ARHGAP15: variants seen among roughly 807,000 people sequenced by gnomAD.
ARHGAP15 encodes the protein Rho GTPase activating protein 15, also known as rho GTPase-activating protein 15.
A neutral mutation model predicts 63.7 loss-of-function variants in ARHGAP15; 51 were observed. The ratio of observed to expected loss-of-function variants is 0.80; its 90% confidence interval spans 0.64 to 1.01. The LOEUF (loss-of-function observed/expected upper bound fraction) is 1.01. Ranked by LOEUF, ARHGAP15 falls within the 50% of genes least tolerant of loss-of-function variation. The probability of loss-of-function intolerance (pLI) is 0.00; values close to 1 mark genes in which losing one functional copy is unlikely to be tolerated. For synonymous variants in ARHGAP15, 191 were observed against 193.8 expected, an observed-to-expected ratio of 0.99 and a Z score of 0.12; for missense variants, 560 against 564.6, an observed-to-expected ratio of 0.99 and a Z score of 0.08.
intron 8 of ARHGAP15, among the ~76,000 whole-genome samples, chr2:143,456,508 A>C (rs1690660520): frequency 6.6e-6 from 1 of 152,082 alleles, no homozygotes; most frequent in African/African-American, 2.4e-5. Context: ...CAAAAAGAAA[A>C]AAATTGTAAT....
At chr2:143,491,956 A>G (rs1453828988) in intron 9 of ARHGAP15, among the ~76,000 whole-genome samples, 1 of 152,212 alleles carries the variant, frequency 6.6e-6, no homozygotes, top group East Asian at 1.9e-4. Flanking sequence ...ATCTCAGCTC[A>G]CTGCAACTCC....
At chr2:143,311,449 G>A (rs948015571) in intron 6 of ARHGAP15, among the ~76,000 whole-genome samples, 7 of 151,944 alleles carry the variant, frequency 4.6e-5, no homozygotes, top group Non-Finnish European at 8.8e-5. Flanking sequence ...TAATCTCTTG[G>A]ATGTGACATA....
chr2:143,629,973 T>A (rs1698998771), intron 12 of ARHGAP15, among the ~76,000 whole-genome samples: 2 of 152,158 alleles, frequency 1.3e-5, no homozygotes, highest in Admixed American at 1.3e-4. Context: ...ATACTTTGTA[T>A]CATTGTATAT....
At chr2:143,693,954 A>G (rs1315872187) in intron 12 of ARHGAP15, among the ~76,000 whole-genome samples, 1 of 152,218 alleles carries the variant, frequency 6.6e-6, no homozygotes, top group African/African-American at 2.4e-5. Flanking sequence ...TATTCTATTG[A>G]CAAGGTCAAG....
At chr2:143,303,050 AT>A (rs1311100276) in intron 6 of ARHGAP15, among the ~76,000 whole-genome samples, 1 of 152,120 alleles carries the variant, frequency 6.6e-6, no homozygotes, top group African/African-American at 2.4e-5. Flanking sequence ...ACCTAAACCC[AT>A]AAAAACCCTA....
intron 10 of ARHGAP15, among the ~76,000 whole-genome samples, chr2:143,520,828 A>G (rs1440646915): frequency 6.6e-6 from 1 of 152,176 alleles, no homozygotes; most frequent in Non-Finnish European, 1.5e-5. Context: ...AAACCCAAAT[A>G]GGGCGTTGGG....
chr2:143,571,425 G>T (rs1696449391), intron 11 of ARHGAP15, among the ~76,000 whole-genome samples: 1 of 152,134 alleles, frequency 6.6e-6, no homozygotes, highest in Non-Finnish European at 1.5e-5. Flanking sequence ...CTTTATAGAT[G>T]AACTAAAGTC....
intron 6 of ARHGAP15, among the ~76,000 whole-genome samples, chr2:143,267,121 G>A (rs1429869250): frequency 6.6e-6 from 1 of 152,150 alleles, no homozygotes; most frequent in Non-Finnish European, 1.5e-5. Context: ...TATGTACAGT[G>A]ACGACAGGAA....
intron 8 of ARHGAP15, among the ~76,000 whole-genome samples, chr2:143,478,613 T>C (rs1262352841): frequency 2.0e-5 from 3 of 152,160 alleles, no homozygotes; most frequent in Non-Finnish European, 4.4e-5. Context: ...TGGATAATAA[T>C]GGAACCTACC....
chr2:143,472,614 G>T (rs1054828363), intron 8 of ARHGAP15, among the ~76,000 whole-genome samples: 3 of 151,842 alleles, frequency 2.0e-5, no homozygotes, highest in African/African-American at 7.3e-5. Flanking sequence ...AGGTTTAATT[G>T]TTAGCTCCCA....
At chr2:143,269,635 A>T (rs1248801810) in intron 6 of ARHGAP15, among the ~76,000 whole-genome samples, 1 of 152,220 alleles carries the variant, frequency 6.6e-6, no homozygotes, top group African/African-American at 2.4e-5. Context: ...ACACCTTCCA[A>T]TTGGAAAAAG....
At chr2:143,240,069 A>G (rs1482387025) in intron 5 of ARHGAP15, among the ~76,000 whole-genome samples, 7 of 148,790 alleles carry the variant, frequency 4.7e-5, no homozygotes. Flanking sequence ...CCAGCTACGT[A>G]GGAGGTCGAA....
At chr2:143,130,003 T>A (rs1688857706) in intron 1 of ARHGAP15, among the ~76,000 whole-genome samples, 2 of 152,160 alleles carry the variant, frequency 1.3e-5, no homozygotes, top group African/African-American at 4.8e-5. Flanking sequence ...AAAGGAATAC[T>A]GTCTATCATG....
intron 6 of ARHGAP15, among the ~76,000 whole-genome samples, chr2:143,429,471 T>C (rs1352510614): frequency 6.6e-6 from 1 of 152,136 alleles, no homozygotes; most frequent in Non-Finnish European, 1.5e-5. Context: ...TGGAATGTAC[T>C]GGAGGTCTGT....
At chr2:143,515,307 C>T (rs905720079) in intron 9 of ARHGAP15, among the ~76,000 whole-genome samples, 5 of 150,832 alleles carry the variant, frequency 3.3e-5, no homozygotes, top group African/African-American at 1.2e-4. Flanking sequence ...ATGTCATATG[C>T]TTTTGGCTGC....
chr2:143,611,367 G>A (rs957646374), intron 11 of ARHGAP15, among the ~76,000 whole-genome samples: 2 of 152,120 alleles, frequency 1.3e-5, no homozygotes, highest in Admixed American at 1.3e-4. Flanking sequence ...ATCAGGGTTG[G>A]AATGTTAGCC....
chr2:143,755,016 G>T (rs909950105), intron 13 of ARHGAP15, among the ~76,000 whole-genome samples: 1 of 152,102 alleles, frequency 6.6e-6, no homozygotes, highest in African/African-American at 2.4e-5. Context: ...TACAAGGAAG[G>T]GTAGAGAAGA....
intron 11 of ARHGAP15, among the ~76,000 whole-genome samples, chr2:143,609,363 G>T (rs1427541906): frequency 6.6e-6 from 1 of 152,186 alleles, no homozygotes; most frequent in Middle Eastern, 3.2e-3. Flanking sequence ...GGCATGTTAA[G>T]AATGGAGTAG....
At chr2:143,310,551 A>T (rs1456422560) in intron 6 of ARHGAP15, among the ~76,000 whole-genome samples, 1 of 151,552 alleles carries the variant, frequency 6.6e-6, no homozygotes, top group African/African-American at 2.4e-5. Flanking sequence ...TTTATAAAAT[A>T]AATTGTTTTA....
Sources: gnomAD v4.1 joint callset for allele counts (sites outside exome capture counted in the v4.1 genomes callset) on GRCh38, gnomAD v4.1.1 for gene constraint, MANE v1.5 for transcripts, NCBI Gene and HGNC (gene_info 2026-07-23, HGNC 2026-07-21) for gene names.